Variants in PBX3 observed in about 807,000 individuals in gnomAD.
The protein encoded by PBX3 is pre-B-cell leukemia transcription factor 3.
In PBX3, 14 loss-of-function variants were observed where a neutral mutation model predicts 48.5. The ratio of observed to expected loss-of-function variants is 0.29; its 90% CI spans 0.19 to 0.45. The LOEUF (loss-of-function observed/expected upper bound fraction) is 0.45. Ranked by LOEUF, PBX3 falls within the 20% of genes least tolerant of loss-of-function variation. The pLI, the probability that PBX3 is intolerant of heterozygous loss-of-function variation, is 1.00. For missense variants in PBX3, 386 were observed against 546.7 expected (o/e 0.71, Z 2.93); for synonymous variants, 210 against 200.3 (o/e 1.05, Z -0.41).
chr9:125,882,547 C>T (rs1013060237), intron 2 of PBX3, among the ~76,000 whole-genome samples: 1 of 152,184 alleles, frequency 6.6e-6, no homozygotes, highest in African/African-American at 2.4e-5. Context: ...ATTGGAAACA[C>T]GCTCTCTTAT....
At chr9:125,806,814 A>T (rs1415006124) in intron 2 of PBX3, among the ~76,000 whole-genome samples, 1 of 152,236 alleles carries the variant, frequency 6.6e-6, no homozygotes, top group African/African-American at 2.4e-5. Flanking sequence ...TCAGGTTGAT[A>T]GTTGGACACA....
intron 2 of PBX3, among the ~76,000 whole-genome samples, chr9:125,912,003 G>A (rs1181193712): frequency 6.6e-6 from 1 of 152,128 alleles, no homozygotes; most frequent in Non-Finnish European, 1.5e-5. Context: ...CTTCAGTGCT[G>A]GATGAACAGA....
intron 2 of PBX3, among the ~76,000 whole-genome samples, chr9:125,848,062 C>T (rs1436917667): frequency 6.6e-6 from 1 of 151,978 alleles, no homozygotes; most frequent in Non-Finnish European, 1.5e-5. Context: ...ACATCCAGCT[C>T]ATTGGTGCTC....
chr9:125,750,317 ATTTAT>A (rs1836336383), intron 2 of PBX3, among the ~76,000 whole-genome samples: 1 of 152,110 alleles, frequency 6.6e-6, no homozygotes, highest in African/African-American at 2.4e-5. Flanking sequence ...ATTTGTATTT[ATTTAT>A]TTATTTTTGC....
At chr9:125,872,195 G>A (rs1222301030) in intron 2 of PBX3, among the ~76,000 whole-genome samples, 1 of 152,022 alleles carries the variant, frequency 6.6e-6, no homozygotes, top group Non-Finnish European at 1.5e-5. Flanking sequence ...CAAAAGCAGG[G>A]CAAATAGAAA....
intron 3 of PBX3, among the ~76,000 whole-genome samples, chr9:125,926,896 G>A (rs1588303916): frequency 6.6e-6 from 1 of 152,098 alleles, no homozygotes; most frequent in Non-Finnish European, 1.5e-5. Context: ...TTAAATCTTG[G>A]TTTCTGCCTT....
chr9:125,844,723 C>T (rs1839382616), intron 2 of PBX3: 1 of 152,090 alleles, frequency 6.6e-6, no homozygotes, highest in South Asian at 2.1e-4. Context: ...TGGAAGAAAA[C>T]TCTGGGGCTT....
intron 2 of PBX3, among the ~76,000 whole-genome samples, chr9:125,760,026 T>G (rs2131971876): frequency 6.6e-6 from 1 of 152,322 alleles, no homozygotes; most frequent in South Asian, 2.1e-4. Flanking sequence ...CGGTAGTTGC[T>G]GCGAGGATCC....
chr9:125,793,949 G>GAGTA (rs780675564), intron 2 of PBX3, among the ~76,000 whole-genome samples: 104 of 152,190 alleles, frequency 6.8e-4, no homozygotes, highest in Non-Finnish European at 8.8e-4. Context: ...CATACAGAGA[G>GAGTA]AGTAATGTTA....
chr9:125,933,153 T>G (rs1463225821), intron 4 of PBX3, among the ~76,000 whole-genome samples: 1 of 152,248 alleles, frequency 6.6e-6, no homozygotes, highest in Non-Finnish European at 1.5e-5. Context: ...ATTCTTGTAG[T>G]GCCTCCCAGC....
At chr9:125,893,879 G>A (rs1021813760) in intron 2 of PBX3, among the ~76,000 whole-genome samples, 2 of 151,942 alleles carry the variant, frequency 1.3e-5, no homozygotes, top group African/African-American at 4.8e-5. Flanking sequence ...TAAAGAGAAA[G>A]GGCCTCCTCC....
intron 2 of PBX3, among the ~76,000 whole-genome samples, chr9:125,808,160 AG>A (rs1838182866): frequency 6.6e-6 from 1 of 152,210 alleles, no homozygotes; most frequent in African/African-American, 2.4e-5. Flanking sequence ...AAAATTAAAA[AG>A]TTTTCCTAAG....
rs149654016 is a variant in PBX3, at chr9:125,914,010, A to G, written c.275-1676A>G. On this transcript the variant is annotated intron_variant, in intron 2 of 8. Transcript: ENST00000373489. ...ATGTACAGGTCGTGAGATTTTTAACATTTAACACAGTGAATTAAAAGAGAG... is the reference window on the plus strand; with the variant it reads ...ATGTACAGGTCGTGAGATTTTTAACGTTTAACACAGTGAATTAAAAGAGAG... Among the ~76,000 whole-genome samples, 999 of 152,342 alleles carry G rather than the reference A, an allele frequency of 6.6e-3. 2 individuals carry two copies. The highest frequency in any genetic ancestry group is 0.024 in the Middle Eastern group (7 of 294).
At chr9:125,835,995 A>T (rs1178304113) in intron 2 of PBX3, among the ~76,000 whole-genome samples, 1 of 152,256 alleles carries the variant, frequency 6.6e-6, no homozygotes, top group African/African-American at 2.4e-5. Context: ...ACATATATTA[A>T]TACATAGTGG....
Position 125,913,633 on chromosome 9 carries a change from G to A in PBX3, c.275-2053G>A, listed in dbSNP as rs1841257153. Among the ~76,000 whole-genome samples, 2 of 152,080 alleles carry A rather than the reference G, an allele frequency of 1.3e-5. 1 individual carries two copies. The highest frequency in any genetic ancestry group is 1.3e-4 in the Admixed American group (2 of 15,258). On this transcript the variant is annotated intron_variant, in intron 2 of 8. Coordinates refer to ENST00000373489, the MANE Select transcript of PBX3 (RefSeq NM_006195.6). ...CTCTTGTTTGCCGTACATGTGCAGG[G>A]AAGTGTAATCATTTTGGGTATGGAA...
chr9:125,962,027 C>T (rs1842440385), intron 6 of PBX3, 75 bp from the exon 7 acceptor site: 2 of 739,136 alleles, frequency 2.7e-6, no homozygotes, highest in Non-Finnish European at 4.8e-6. Flanking sequence ...TTTTTCTCAT[C>T]TCCCTGCCTC....
chr9:125,788,076 G>C (rs1837504362), intron 2 of PBX3, among the ~76,000 whole-genome samples: 1 of 152,226 alleles, frequency 6.6e-6, no homozygotes, highest in Non-Finnish European at 1.5e-5. Context: ...TTAAATGAAT[G>C]TGACAATTAT....
At chr9:125,780,424 C>T (rs1396905760) in intron 2 of PBX3, among the ~76,000 whole-genome samples, 4 of 127,788 alleles carry the variant, frequency 3.1e-5, no homozygotes, top group African/African-American at 9.1e-5. Flanking sequence ...TGACCCCCCC[C>T]CCACCTCCCT....
intron 2 of PBX3, among the ~76,000 whole-genome samples, chr9:125,758,721 A>G (rs933047291): frequency 6.6e-6 from 1 of 152,168 alleles, no homozygotes; most frequent in Non-Finnish European, 1.5e-5. Flanking sequence ...TCTCCCCTCC[A>G]GAAGATTCCA....
Sources: gnomAD v4.1 joint callset for allele counts (sites outside exome capture counted in the v4.1 genomes callset) on GRCh38, gnomAD v4.1.1 for gene constraint, MANE v1.5 for transcripts, NCBI Gene and HGNC (gene_info 2026-07-23, HGNC 2026-07-21) for gene names.